Variants in ZNF385B observed in about 807,000 individuals in gnomAD.
ZNF385B encodes zinc finger protein 385B, also known as zinc finger protein 533.
Under a neutral mutation model 39.2 loss-of-function variants are expected in ZNF385B, and 23 were observed. The ratio of observed to expected loss-of-function variants is 0.59; its 90% CI spans 0.42 to 0.83. The LOEUF (loss-of-function observed/expected upper bound fraction) is 0.83. Among genes scored for constraint, ZNF385B ranks in the 40% least tolerant of loss-of-function variants. The probability of loss-of-function intolerance (pLI) is 0.00; values close to 1 mark genes in which losing one functional copy is unlikely to be tolerated. For missense variants in ZNF385B, 552 were observed against 598.9 expected (o/e 0.92, Z 0.82); for synonymous variants, 205 against 222.6 (o/e 0.92, Z 0.70).
Position 179,769,611 on chromosome 2 carries a change from C to T in ZNF385B, c.190G>A (p.Ala64Thr), listed in dbSNP as rs752841998. The change falls in exon 3 of 10, where the codon GCT (alanine) becomes ACT (threonine). Residue 64 changes from alanine to threonine, a missense_variant. Physicochemically the swap from Ala to Thr is moderately conservative, Grantham distance 58. Coordinates refer to ENST00000410066, the MANE Select transcript of ZNF385B (RefSeq NM_152520.6). ...GATTTGCCGTTGGAATGCACCTGAG[C>T]CTGGGCTGCAGAGTTCAGCTGGATG... The part of the protein sequence containing the change: ...CNIQLNSAAQ[A>T]QVHSNGKSHR... 1 of 1,614,126 alleles carries T rather than the reference C, an allele frequency of 6.2e-7. No individual in the cohort carries two copies. The highest frequency in any genetic ancestry group is 1.1e-5 in the South Asian group (1 of 91,084).
chr2:179,683,024 A>G (rs2106328249), intron 3 of ZNF385B, among the ~76,000 whole-genome samples: 1 of 152,288 alleles, frequency 6.6e-6, no homozygotes, highest in Admixed American at 6.5e-5. Context: ...ATTAGATGGG[A>G]CAGAAAGTAC....
rs1043161672 is a variant in ZNF385B, at chr2:179,843,383, C to T, written c.-155+17718G>A. On this transcript the variant is annotated intron_variant, in intron 1 of 9. Transcript: ENST00000410066. ...GTGAATCGGAACTTCTTTCTTCGTA[C>T]CTTCCTTGAATAAGTTTAGATTCAT... Among the ~76,000 whole-genome samples the T allele has an allele frequency of 2.6e-5, 4 of 152,164 alleles. No individual in the cohort carries two copies. The East Asian group carries it at 5.8e-4, about 22-fold the overall frequency.
intron 5 of ZNF385B, among the ~76,000 whole-genome samples, chr2:179,506,265 CA>C (rs1363447787): frequency 2.6e-5 from 4 of 152,144 alleles, no homozygotes; most frequent in African/African-American, 9.6e-5. Flanking sequence ...TTCAGAATTT[CA>C]ATTCTTTCAT....
chr2:179,777,668 C>T (rs1704409305), intron 1 of ZNF385B, among the ~76,000 whole-genome samples: 1 of 151,710 alleles, frequency 6.6e-6, no homozygotes, highest in Non-Finnish European at 1.5e-5. Flanking sequence ...GAATTAAAAG[C>T]AAAAGACCAG....
In ZNF385B at chr2:179,811,823, C is replaced by T. The variant is rs544323516; in HGVS notation, c.-154-41151G>A. ...AGTGGGACCTAATTAAAATAAAGAC[C>T]TTCCACACAGCAAAAGAAACTATCA... On this transcript the variant is annotated intron_variant, in intron 1 of 9. Transcript: ENST00000410066. 3.3e-5 allele frequency among the ~76,000 whole-genome samples: 5 copies of T among 152,118 alleles called. No homozygotes were observed. The South Asian group carries it at 1.0e-3, about 32-fold the overall frequency.
intron 3 of ZNF385B, among the ~76,000 whole-genome samples, chr2:179,766,310 T>C (rs1559175111): frequency 6.6e-6 from 1 of 151,956 alleles, no homozygotes; most frequent in Non-Finnish European, 1.5e-5. Flanking sequence ...AATTAACAGT[T>C]CTTGGGAAGA....
chr2:179,793,730 T>C (rs749435558), intron 1 of ZNF385B, among the ~76,000 whole-genome samples: 1 of 152,154 alleles, frequency 6.6e-6, no homozygotes, highest in Non-Finnish European at 1.5e-5. Flanking sequence ...ACTAATACAG[T>C]TGGCAACAGC....
intron 1 of ZNF385B, among the ~76,000 whole-genome samples, chr2:179,834,316 A>C (rs1476260611): frequency 6.6e-6 from 1 of 152,180 alleles, no homozygotes; most frequent in Non-Finnish European, 1.5e-5. Context: ...GGTCTTGAGC[A>C]GGGAAAGTAC....
chr2:179,564,572 A>C (rs141562670), intron 3 of ZNF385B, among the ~76,000 whole-genome samples: 22 of 152,116 alleles, frequency 1.4e-4, no homozygotes, highest in African/African-American at 4.8e-4. Context: ...TTACCTTTTA[A>C]CTTCTTTTAG....
At chr2:179,558,919 T>C (rs1449940857) in intron 3 of ZNF385B, among the ~76,000 whole-genome samples, 1 of 152,130 alleles carries the variant, frequency 6.6e-6, no homozygotes, top group African/African-American at 2.4e-5. Flanking sequence ...GTGCCTGATC[T>C]GGCCATGCCA....
At chr2:179,455,044 C>T (rs766140749) in intron 6 of ZNF385B, among the ~76,000 whole-genome samples, 1 of 152,190 alleles carries the variant, frequency 6.6e-6, no homozygotes, top group African/African-American at 2.4e-5. Flanking sequence ...CCTTCACATT[C>T]ACCACTCACT....
intron 5 of ZNF385B, among the ~76,000 whole-genome samples, chr2:179,490,120 C>T (rs974597455): frequency 6.6e-6 from 1 of 152,024 alleles, no homozygotes; most frequent in African/African-American, 2.4e-5. Context: ...GTAAATAAAC[C>T]CATCAACTCC....
In ZNF385B at chr2:179,443,002, G is replaced by A. The variant is rs761475952; in HGVS notation, c.*248C>T. On this transcript the variant is annotated 3_prime_UTR_variant, in exon 10 of 10. Transcript: ENST00000410066. ...AATATCTGAGATACACAAATTGAAC[G>A]CGGTAGGGTGGGGGAGGAAGTAGGG... 4 of 571,208 alleles carry A rather than the reference G, an allele frequency of 7.0e-6. No individual in the cohort carries two copies. The highest frequency in any genetic ancestry group is 1.2e-5 in the Non-Finnish European group (4 of 320,006). The allele number at this position is 571,208 out of a possible 1,614,324, so 35.4% of individuals were successfully genotyped here.
intron 3 of ZNF385B, among the ~76,000 whole-genome samples, chr2:179,757,176 C>T (rs573892947): frequency 6.6e-6 from 1 of 152,336 alleles, no homozygotes; most frequent in South Asian, 2.1e-4. Flanking sequence ...AGTTTTCCTT[C>T]TAACAGTCAG....
At chr2:179,847,602 T>G (rs1024608271) in intron 1 of ZNF385B, among the ~76,000 whole-genome samples, 21 of 152,236 alleles carry the variant, frequency 1.4e-4, no homozygotes, top group African/African-American at 4.6e-4. Context: ...TCTCTTTTCC[T>G]AAGTTCCTTG....
intron 1 of ZNF385B, among the ~76,000 whole-genome samples, chr2:179,798,294 T>C (rs1454839954): frequency 6.6e-6 from 1 of 152,016 alleles, no homozygotes; most frequent in East Asian, 1.9e-4. Context: ...GAATCAACCA[T>C]TTCTCCAAGG....
chr2:179,763,017 G>A (rs1361816387), intron 3 of ZNF385B, among the ~76,000 whole-genome samples: 1 of 152,130 alleles, frequency 6.6e-6, no homozygotes, highest in Non-Finnish European at 1.5e-5. Flanking sequence ...CGATTCTCCT[G>A]TCTCAACCTC....
intron 3 of ZNF385B, among the ~76,000 whole-genome samples, chr2:179,588,585 A>C (rs1229132209): frequency 6.6e-6 from 1 of 150,978 alleles, no homozygotes; most frequent in Non-Finnish European, 1.5e-5. Context: ...TCCAACTTAG[A>C]CTCTCTCTCC....
intron 3 of ZNF385B, among the ~76,000 whole-genome samples, chr2:179,615,878 G>T (rs965654929): frequency 6.6e-6 from 1 of 152,210 alleles, no homozygotes; most frequent in South Asian, 2.1e-4. Flanking sequence ...ATCTCTGGGT[G>T]ATGGGACCAA....
Sources: allele counts gnomAD v4.1 joint callset (sites outside exome capture counted in the v4.1 genomes callset), GRCh38; gene constraint gnomAD v4.1.1; transcripts MANE v1.5; gene names NCBI Gene and HGNC (gene_info 2026-07-23, HGNC 2026-07-21).